The following SLC6A2 variants were observed in gnomAD, a reference collection of about 807,000 sequenced individuals.
SLC6A2 encodes sodium-dependent noradrenaline transporter.
SLC6A2 carries 26 observed loss-of-function variants against 71.7 expected under a neutral mutation model. The ratio of observed to expected loss-of-function variants is 0.36; its 90% confidence interval spans 0.27 to 0.50. The LOEUF (loss-of-function observed/expected upper bound fraction) is 0.50, where lower values mean the gene tolerates loss of function less well. Ranked by LOEUF, SLC6A2 falls within the 20% of genes least tolerant of loss-of-function variation. The probability of loss-of-function intolerance (pLI) is 0.96; values close to 1 mark genes in which losing one functional copy is unlikely to be tolerated. For synonymous variants in SLC6A2, 363 were observed against 337.9 expected (o/e 1.07, Z -0.82); for missense variants, 581 against 803.9 (o/e 0.72, Z 3.35).
At position 55,686,520 on chromosome 16, in the gene SLC6A2, T is replaced by C. The variant is rs557766110; in HGVS notation, c.783+1239T>C. 5.3e-5 allele frequency among the ~76,000 whole-genome samples: 8 copies of C among 152,252 alleles called. No individual in the cohort carries two copies. The East Asian group carries it at 5.8e-4, about 11-fold the overall frequency. The stretch of plus-strand genomic sequence containing the variant: ...GGGATTACACACAGGTGTGAGTTCA[T>C]TGGGGGCCACAGCGCAACAGTCTAC... On this transcript the variant is annotated intron_variant, in intron 5 of 14. Transcript: ENST00000568943.
chr16:55,662,664 A>G (rs971817435), intron 2 of SLC6A2, among the ~76,000 whole-genome samples: 4 of 152,208 alleles, frequency 2.6e-5, no homozygotes, highest in African/African-American at 9.7e-5. Flanking sequence ...TTATTAGGAA[A>G]AATCAAGTCC....
At chr16:55,663,941 C>T (rs1171771376) in intron 2 of SLC6A2, among the ~76,000 whole-genome samples, 2 of 152,206 alleles carry the variant, frequency 1.3e-5, no homozygotes, top group African/African-American at 2.4e-5. Flanking sequence ...AGGAATGCTG[C>T]ACAGGGAGAC....
intron 11 of SLC6A2, 119 bp from the exon 12 acceptor site, chr16:55,699,435 A>C (rs113656529): frequency 3.9e-4 from 303 of 778,234 alleles, no homozygotes; most frequent in African/African-American, 3.9e-3. Flanking sequence ...CCCTAGTTCC[A>C]GGGTATCAGC....
intron 4 of SLC6A2, among the ~76,000 whole-genome samples, chr16:55,677,700 C>A (rs569287151): frequency 6.8e-6 from 1 of 147,476 alleles, no homozygotes; most frequent in African/African-American, 2.5e-5. Context: ...AAGACGGGGT[C>A]TTGCTCTGTC....
In SLC6A2 at chr16:55,701,621, A is replaced by G. The variant is rs1464055735; in HGVS notation, c.1759-242A>G. ...CTGTGTGGGTCTCCTTCAAGTCTGG[A>G]TCCACAGGGCCTAGCCCCATGTCTG... On this transcript the variant is annotated intron_variant, in intron 13 of 14. Transcript: ENST00000568943. Among the ~76,000 whole-genome samples the G allele has an allele frequency of 3.3e-5, 5 of 152,304 alleles. No homozygotes were observed. In the South Asian group the frequency reaches 8.3e-4, roughly 25 times the overall value.
At position 55,700,227 on chromosome 16, in the gene SLC6A2, G is replaced by T. The variant is rs758328228; in HGVS notation, c.1679G>T (p.Gly560Val). ...CCCTGGGCCAACTGGGTGGGGTGGG[G>T]CATCGCCCTGTCCTCCATGGTCCTG... is the stretch of plus-strand genomic sequence containing the variant. ...FPPWANWVGW[G>V]IALSSMVLVP... Residue 560 changes from glycine (G) to valine (V), a missense_variant, in exon 13 of 15, where the codon GGC becomes GTC. Coordinates refer to ENST00000568943, the MANE Select transcript of SLC6A2 (RefSeq NM_001172501.3). 1.2e-6 allele frequency: 2 copies of T among 1,614,016 alleles called. No homozygotes were observed. Among genetic ancestry groups the T allele is most frequent in the South Asian group, 2.2e-5 (2 of 91,074 alleles).
At chr16:55,670,582 T>C (rs1185965451) in intron 3 of SLC6A2, among the ~76,000 whole-genome samples, 1 of 152,212 alleles carries the variant, frequency 6.6e-6, no homozygotes, top group African/African-American at 2.4e-5. Context: ...TCAGATCTGT[T>C]GTTTTCTGTT....
intron 13 of SLC6A2, among the ~76,000 whole-genome samples, chr16:55,700,851 G>GTATA (rs1303367504): frequency 4.0e-5 from 6 of 151,818 alleles, no homozygotes; most frequent in Non-Finnish European, 7.4e-5. Context: ...ACATGTGTGT[G>GTATA]TATATACATA....
chr16:55,666,798 G>C (rs1282109995), intron 2 of SLC6A2, among the ~76,000 whole-genome samples: 3 of 152,164 alleles, frequency 2.0e-5, no homozygotes, highest in Admixed American at 1.3e-4. Flanking sequence ...TGAGATGCCT[G>C]GTTAACTGGC....
chr16:55,698,473 G>C lies in SLC6A2; in HGVS notation c.1394G>C (p.Gly465Ala). 1 of 1,613,210 alleles carries C rather than the reference G, an allele frequency of 6.2e-7. No homozygotes were observed. The highest frequency in any genetic ancestry group is 8.5e-7 in the Non-Finnish European group (1 of 1,179,144). ...LLALFCITKGGIYVLTLLDTF... is the reference protein window; with the variant it reads ...LLALFCITKGAIYVLTLLDTF... The stretch of plus-strand genomic sequence containing the variant: ...CTTCTTCTCTCCCTGTGCCAGGGTG[G>C]AATTTACGTCTTGACCCTCCTGGAC... The change falls in exon 11 of 15, where the codon GGA becomes GCA. Residue 465 changes from glycine to alanine, a missense_variant. Gly to Ala is a moderately conservative substitution (Grantham distance 60, BLOSUM62 0). This residue lies in a region of SLC6A2 where 334 missense variants were observed against 449.0 expected (regional missense o/e 0.74). Transcript: ENST00000568943.
chr16:55,660,488 C>G (rs1324025852), intron 2 of SLC6A2, among the ~76,000 whole-genome samples: 3 of 152,194 alleles, frequency 2.0e-5, no homozygotes, highest in African/African-American at 7.2e-5. Context: ...GCGGAGGCCT[C>G]CTGGCTTCTC....
intron 2 of SLC6A2, among the ~76,000 whole-genome samples, chr16:55,660,824 A>G (rs1380155678): frequency 6.6e-6 from 1 of 152,190 alleles, no homozygotes; most frequent in Admixed American, 6.5e-5. Flanking sequence ...TGGTGCCAGT[A>G]TTAACACTGT....
intron 7 of SLC6A2, 112 bp from the exon 8 acceptor site, chr16:55,695,166 G>T: frequency 7.9e-7 from 1 of 1,262,026 alleles, no homozygotes. Context: ...CACTGAAGGG[G>T]GGATGGCCTT....
chr16:55,664,346 C>T (rs1596951826), intron 2 of SLC6A2, among the ~76,000 whole-genome samples: 1 of 152,322 alleles, frequency 6.6e-6, no homozygotes, highest in African/African-American at 2.4e-5. Context: ...TGGGGGCATC[C>T]TTTGTCCTGC....
rs1373722500 is a variant in SLC6A2, at chr16:55,688,005, C to A, written c.783+2724C>A. Among the ~76,000 whole-genome samples, 3 of 152,356 alleles carry A rather than the reference C, an allele frequency of 2.0e-5. No homozygotes were observed. The South Asian group carries it at 6.2e-4, about 32-fold the overall frequency. ...TCCCCTCTGCATGTGTCATCCGAAA[C>A]CACAGCCCACATTTTGCATAAGTCC... On this transcript the variant is annotated intron_variant, in intron 5 of 14. Coordinates refer to ENST00000568943, the MANE Select transcript of SLC6A2 (RefSeq NM_001172501.3).
At chr16:55,664,126 T>G (rs1297727179) in intron 2 of SLC6A2, among the ~76,000 whole-genome samples, 1 of 152,170 alleles carries the variant, frequency 6.6e-6, no homozygotes, top group African/African-American at 2.4e-5. Context: ...TGGAGGTTCC[T>G]GAGTAGGAAA....
chr16:55,700,503 G>A (rs754616862), intron 13 of SLC6A2, among the ~76,000 whole-genome samples, 197 bp downstream of exon 13: 6 of 152,038 alleles, frequency 3.9e-5, no homozygotes, highest in Non-Finnish European at 8.8e-5. Flanking sequence ...ATAATATTAC[G>A]TACCCCAAAA....
rs566496927 is a variant in SLC6A2, at chr16:55,696,592, C to T, written c.1260+255C>T. Among the ~76,000 whole-genome samples, 5 of 152,310 alleles carry T rather than the reference C, an allele frequency of 3.3e-5. No individual in the cohort carries two copies. The South Asian group carries it at 1.0e-3, about 32-fold the overall frequency. Reference sequence around the variant, plus strand: ...AAGAAGAGGCTTCAGATAAGCCAGCCCCACACTGTCCTCTTGCAGGTGGGG... The same window carrying T: ...AAGAAGAGGCTTCAGATAAGCCAGCTCCACACTGTCCTCTTGCAGGTGGGG... On this transcript the variant is annotated intron_variant, in intron 9 of 14. Coordinates refer to ENST00000568943, the MANE Select transcript of SLC6A2 (RefSeq NM_001172501.3).
Position 55,656,603 on chromosome 16 carries a change from G to C in SLC6A2, c.-51-41G>C. 1 of 1,544,776 alleles carries C rather than the reference G, an allele frequency of 6.5e-7. No individual in the cohort carries two copies. Among genetic ancestry groups the C allele is most frequent in the South Asian group, 1.1e-5 (1 of 89,108 alleles). Reference sequence around the variant, plus strand: ...GGTCTTGGGAGTTGCAAGTAGGGAGGAACGGCCGGGTAACCACCTCTTTTC... The same window carrying C: ...GGTCTTGGGAGTTGCAAGTAGGGAGCAACGGCCGGGTAACCACCTCTTTTC... On this transcript the variant is annotated intron_variant, in intron 1 of 14. Coordinates refer to ENST00000568943, the MANE Select transcript of SLC6A2 (RefSeq NM_001172501.3). This position sits in a 1 kb window ranked among gnomAD's most constrained non-coding sequence, Gnocchi z 4.5.
Sources: gnomAD v4.1 joint callset for allele counts (sites outside exome capture counted in the v4.1 genomes callset) on GRCh38, gnomAD v4.1.1 for gene constraint, gnomAD v4.1.1 regional missense constraint, Gnocchi (gnomAD v3.1) non-coding constraint, MANE v1.5 for transcripts, NCBI Gene and HGNC (gene_info 2026-07-23, HGNC 2026-07-21) for gene names.